Variants in CMIP observed in about 807,000 individuals in gnomAD.
The protein encoded by CMIP is c-Maf inducing protein, also known as C-Maf-inducing protein.
In CMIP, 13 loss-of-function variants were observed where a neutral mutation model predicts 97.3. The observed-to-expected ratio is 0.13, with a 90% CI of 0.09 to 0.21. The LOEUF (loss-of-function observed/expected upper bound fraction) is 0.21, where lower values mean the gene tolerates loss of function less well. Ranked by LOEUF, CMIP falls within the 10% of genes least tolerant of loss-of-function variation. CMIP has a pLI of 1.00. For synonymous variants in CMIP, 538 were observed against 436.3 expected (o/e 1.23, Z -2.91); for missense variants, 847 against 1,024.9 (o/e 0.83, Z 2.37).
intron 2 of CMIP, chr16:81,617,403 T>C (rs1247463914): frequency 6.6e-6 from 1 of 152,272 alleles, no homozygotes; most frequent in Non-Finnish European, 1.5e-5. Flanking sequence ...CCCTGCCCCA[T>C]CTCCATAGCA....
At chr16:81,657,698 T>A in intron 4 of CMIP, 77 bp from the exon 5 acceptor site, 1 of 1,226,404 alleles carries the variant, frequency 8.2e-7, no homozygotes, top group Admixed American at 2.4e-5. Flanking sequence ...AAACTGTGGA[T>A]CTTGAAATCC....
chr16:81,562,110 T>C (rs2090894777), intron 1 of CMIP, among the ~76,000 whole-genome samples: 1 of 152,186 alleles, frequency 6.6e-6, no homozygotes, highest in African/African-American at 2.4e-5. Flanking sequence ...CCATGGTTGT[T>C]GGACAGAGCC....
intron 1 of CMIP, among the ~76,000 whole-genome samples, chr16:81,549,417 G>C (rs1160813695): frequency 6.6e-6 from 1 of 152,190 alleles, no homozygotes; most frequent in Non-Finnish European, 1.5e-5. Context: ...CAGCAGCCGA[G>C]GGCCGTTGGG....
intron 1 of CMIP, among the ~76,000 whole-genome samples, chr16:81,547,525 C>T (rs968191197): frequency 6.6e-6 from 1 of 152,162 alleles, no homozygotes; most frequent in African/African-American, 2.4e-5. Flanking sequence ...GGGCTGGACA[C>T]CTTGCTCAGA....
In CMIP at chr16:81,621,845, T is replaced by C. The variant is rs528788385; in HGVS notation, c.477+919T>C. 6.6e-6 allele frequency: 1 copy of C among 152,272 alleles called. No homozygotes were observed. The highest frequency in any genetic ancestry group is 1.9e-4 in the East Asian group (1 of 5,172). The allele number at this position is 152,272 out of a possible 1,614,324, so 9.4% of individuals were successfully genotyped here. ...AGAGGGGCTCCCCCAACGGCCAGGG[T>C]TGGGGGCAGAAAGGCAACCCCAGAT... On this transcript the variant is annotated intron_variant, in intron 3 of 20. Transcript: ENST00000537098. This position sits in a 1 kb window ranked among gnomAD's most constrained non-coding sequence, Gnocchi z 4.1.
chr16:81,588,214 GAGGTAGC>G (rs2091413381), intron 1 of CMIP, among the ~76,000 whole-genome samples: 1 of 152,222 alleles, frequency 6.6e-6, no homozygotes, highest in Non-Finnish European at 1.5e-5. Context: ...GCTCTCTGTT[GAGGTAGC>G]AGAAAGGGAA....
intron 1 of CMIP, among the ~76,000 whole-genome samples, chr16:81,468,680 G>T (rs998012879): frequency 2.0e-5 from 3 of 152,254 alleles, no homozygotes; most frequent in African/African-American, 7.2e-5. Context: ...CGGTTCCAGT[G>T]CCCGCAAACG....
chr16:81,643,978 T>G (rs929569747), intron 3 of CMIP, among the ~76,000 whole-genome samples: 1 of 152,018 alleles, frequency 6.6e-6, no homozygotes, highest in African/African-American at 2.4e-5. Context: ...CCGGAGGCAC[T>G]AGGGTTGTCC....
intron 1 of CMIP, among the ~76,000 whole-genome samples, chr16:81,455,650 G>A (rs968776373): frequency 6.6e-6 from 1 of 152,186 alleles, no homozygotes. Context: ...GCCTTTCTCG[G>A]TGTGCACACA....
chr16:81,459,281 A>G (rs903645022), intron 1 of CMIP, among the ~76,000 whole-genome samples: 1 of 152,194 alleles, frequency 6.6e-6, no homozygotes, highest in African/African-American at 2.4e-5. Context: ...AAAGTCTCAC[A>G]GTTTTCTTGG....
At chr16:81,506,550 G>C (rs1168018183) in intron 1 of CMIP, among the ~76,000 whole-genome samples, 4 of 152,252 alleles carry the variant, frequency 2.6e-5, no homozygotes, top group Non-Finnish European at 5.9e-5. Context: ...ATCAGTAATG[G>C]CTTAAGAACA....
chr16:81,697,061 G>C (rs948387964), intron 14 of CMIP: 3 of 232,410 alleles, frequency 1.3e-5, no homozygotes, highest in Non-Finnish European at 2.6e-5. Flanking sequence ...ATTCTGGAAG[G>C]CACTGCAGGT....
chr16:81,696,581 G>T lies in CMIP; in HGVS notation c.1552G>T (p.Val518Leu). The change falls in exon 14 of 21, where the codon GTG (valine) becomes TTG (leucine). Residue 518 changes from valine (V) to leucine (L), a missense_variant. By Grantham distance (32) the Val-to-Leu change is conservative (BLOSUM62 1). This residue lies in a region of CMIP where 266 missense variants were observed against 384.2 expected (regional missense o/e 0.69). Coordinates refer to ENST00000537098, the MANE Select transcript of CMIP (RefSeq NM_198390.3). ...RQEVHSCLLSVRAGKDGWFQL... is the reference protein window; with the variant it reads ...RQEVHSCLLSLRAGKDGWFQL... ...GCAGGTCCACTCATGCCTGCTGAGC[G>T]TGCGGGCCGGCAAAGATGGCTGGTT... 6.2e-7 allele frequency: 1 copy of T among 1,605,750 alleles called. No individual in the cohort carries two copies. Among genetic ancestry groups the T allele is most frequent in the Non-Finnish European group, 8.5e-7 (1 of 1,179,772 alleles).
intron 1 of CMIP, among the ~76,000 whole-genome samples, chr16:81,449,521 A>G (rs1424575482): frequency 1.3e-5 from 2 of 152,244 alleles, no homozygotes; most frequent in African/African-American, 4.8e-5. Context: ...CCTCCAGGGT[A>G]GTCACAGATC....
At chr16:81,618,689 G>A (rs954873599) in intron 2 of CMIP, 3 of 152,246 alleles carry the variant, frequency 2.0e-5, no homozygotes, top group African/African-American at 4.8e-5. Context: ...GCCAAAATGG[G>A]ATTGTTCACA....
intron 1 of CMIP, among the ~76,000 whole-genome samples, chr16:81,478,334 C>T (rs1031715147): frequency 1.3e-5 from 2 of 152,134 alleles, no homozygotes; most frequent in African/African-American, 2.4e-5. Context: ...AACAGGGAGC[C>T]GACAGTTCTG....
chr16:81,631,784 A>G (rs6564904), intron 3 of CMIP: 94,237 of 152,076 alleles, frequency 0.62, 29,829 homozygotes, highest in East Asian at 0.76. Flanking sequence ...TCTAGTGTAC[A>G]TCTTTTGGTG....
intron 15 of CMIP, 98 bp from the exon 16 acceptor site, chr16:81,701,562 G>C: frequency 6.5e-7 from 1 of 1,536,638 alleles, no homozygotes; most frequent in Non-Finnish European, 9.0e-7. Flanking sequence ...GGGATAGTGG[G>C]GTTGCTGGTT....
rs200798162 is a variant in CMIP, at chr16:81,669,631, TCCTTCCACACCCACCTCACA to T, written c.826-489_826-470del. ...CCTCCTTCCGCACCAACCTCTCACC[TCCTTCCACACCCACCTCACA>T]CCTTCCACACCCACCTCACACTCAC... is the stretch of plus-strand genomic sequence containing the variant. On this transcript the variant is annotated intron_variant, in intron 7 of 20. Transcript: ENST00000537098. Among the ~76,000 whole-genome samples, 37 of 106,562 alleles carry T rather than the reference TCCTTCCACACCCACCTCACA, an allele frequency of 3.5e-4. 1 individual carries two copies. In the East Asian group the frequency reaches 9.8e-3, roughly 28 times the overall value. 69.9% of individuals were successfully genotyped at this position (106,562 alleles called of 152,430 possible).
Sources: allele counts gnomAD v4.1 joint callset (sites outside exome capture counted in the v4.1 genomes callset), GRCh38; gene constraint gnomAD v4.1.1; regional missense constraint gnomAD v4.1.1; non-coding constraint Gnocchi (gnomAD v3.1); transcripts MANE v1.5; gene names NCBI Gene and HGNC (gene_info 2026-07-23, HGNC 2026-07-21).